The following NRXN3 variants were observed in gnomAD, a reference collection of about 807,000 sequenced individuals.
NRXN3 encodes neurexin III.
In NRXN3, 32 loss-of-function variants were observed where a neutral mutation model predicts 137.6. The observed-to-expected ratio is 0.23, with a 90% CI of 0.18 to 0.31. NRXN3 has a LOEUF of 0.31. Ranked by LOEUF, NRXN3 falls within the 10% of genes least tolerant of loss-of-function variation. The probability of loss-of-function intolerance (pLI) is 1.00; values close to 1 mark genes in which losing one functional copy is unlikely to be tolerated. For synonymous variants in NRXN3, 798 were observed against 784.5 expected, an observed-to-expected ratio of 1.02 and a Z score of -0.29; for missense variants, 1,574 against 2,062.5, an observed-to-expected ratio of 0.76 and a Z score of 4.59.
intron 8 of NRXN3, among the ~76,000 whole-genome samples, chr14:78,718,504 C>G (rs17108118): frequency 0.12 from 18,865 of 152,040 alleles, 1,265 homozygotes; most frequent in Middle Eastern, 0.22. Flanking sequence ...AAGTCATCAG[C>G]CAAGTATAAG....
intron 19 of NRXN3, among the ~76,000 whole-genome samples, chr14:79,767,448 T>C (rs1320399156): frequency 6.6e-6 from 1 of 152,212 alleles, no homozygotes; most frequent in African/African-American, 2.4e-5. Context: ...ATTTTTCACT[T>C]ATATGCTGTC....
chr14:79,118,121 C>G (rs962272503), intron 15 of NRXN3, among the ~76,000 whole-genome samples: 5 of 149,818 alleles, frequency 3.3e-5, no homozygotes, highest in Non-Finnish European at 7.4e-5. Flanking sequence ...AATCCCTTCC[C>G]AGTGGGGAAC....
chr14:79,527,537 G>T (rs2097131768), intron 16 of NRXN3, among the ~76,000 whole-genome samples: 1 of 151,784 alleles, frequency 6.6e-6, no homozygotes, highest in African/African-American at 2.4e-5. Context: ...TGTTAGAAAG[G>T]TAGTTTAAAA....
chr14:78,878,463 C>T (rs958154577), intron 10 of NRXN3, among the ~76,000 whole-genome samples: 1 of 152,128 alleles, frequency 6.6e-6, no homozygotes, highest in African/African-American at 2.4e-5. Flanking sequence ...TTCTCAGTAA[C>T]TGTTTTGTGT....
intron 15 of NRXN3, among the ~76,000 whole-genome samples, chr14:79,357,915 C>A (rs1201702388): frequency 3.3e-5 from 5 of 152,128 alleles, no homozygotes; most frequent in African/African-American, 1.2e-4. Flanking sequence ...CTGTTCCTTG[C>A]TCCTTCTTTT....
At chr14:78,731,993 G>A (rs933805048) in intron 8 of NRXN3, among the ~76,000 whole-genome samples, 2 of 23,542 alleles carry the variant, frequency 8.5e-5, no homozygotes, top group Non-Finnish European at 2.5e-4. Flanking sequence ...TCTGTTCCAA[G>A]CTGTGGAGGG....
intron 4 of NRXN3, among the ~76,000 whole-genome samples, chr14:78,481,016 A>T (rs1320681554): frequency 2.0e-5 from 3 of 152,180 alleles, no homozygotes; most frequent in Non-Finnish European, 4.4e-5. Flanking sequence ...AGGGGTGGTC[A>T]CTGTAAACCT....
intron 19 of NRXN3, among the ~76,000 whole-genome samples, chr14:79,794,593 C>A (rs904580016): frequency 6.6e-6 from 1 of 152,044 alleles, no homozygotes; most frequent in African/African-American, 2.4e-5. Context: ...TGTCAGTGTT[C>A]CTACTCAGCC....
intron 6 of NRXN3, among the ~76,000 whole-genome samples, chr14:78,690,121 T>G (rs908711156): frequency 6.6e-6 from 1 of 152,218 alleles, no homozygotes; most frequent in Non-Finnish European, 1.5e-5. Context: ...ATATTCATCA[T>G]TATTTTCTGG....
chr14:78,317,736 GGACTCA>G (rs1236991788), intron 4 of NRXN3, among the ~76,000 whole-genome samples: 1 of 152,070 alleles, frequency 6.6e-6, no homozygotes, highest in Non-Finnish European at 1.5e-5. Context: ...CAGAGTACTG[GGACTCA>G]GTTAAGTTGA....
At chr14:78,677,632 T>TA (rs2098023188) in intron 6 of NRXN3, among the ~76,000 whole-genome samples, 1 of 152,108 alleles carries the variant, frequency 6.6e-6, no homozygotes, top group Admixed American at 6.6e-5. Context: ...ACTTAATTGG[T>TA]AAAGGAATGA....
At chr14:79,545,294 C>T (rs143884422) in intron 16 of NRXN3, among the ~76,000 whole-genome samples, 189 of 152,284 alleles carry the variant, frequency 1.2e-3, no homozygotes, top group African/African-American at 2.7e-3. Context: ...TGGGGCCTCT[C>T]GGGAACAATC....
intron 15 of NRXN3, among the ~76,000 whole-genome samples, chr14:79,450,649 A>AGC (rs2096153257): frequency 2.0e-5 from 3 of 152,138 alleles, no homozygotes; most frequent in Admixed American, 2.0e-4. Flanking sequence ...TCTTGAGGTC[A>AGC]GGAGTTTGAG....
intron 15 of NRXN3, among the ~76,000 whole-genome samples, chr14:79,118,155 G>GAA (rs761184450): frequency 6.8e-5 from 8 of 117,874 alleles, no homozygotes; most frequent in African/African-American, 1.5e-4. Flanking sequence ...ATACATGAGG[G>GAA]AAAAAAAAAA....
At chr14:78,934,891 C>T (rs755137763) in intron 10 of NRXN3, among the ~76,000 whole-genome samples, 1 of 151,782 alleles carries the variant, frequency 6.6e-6, no homozygotes, top group African/African-American at 2.4e-5. Flanking sequence ...AGCACACCAA[C>T]ATGGCACATG....
intron 10 of NRXN3, among the ~76,000 whole-genome samples, chr14:78,868,260 A>G (rs1263330805): frequency 6.6e-6 from 1 of 152,042 alleles, no homozygotes; most frequent in African/African-American, 2.4e-5. Flanking sequence ...TCTGACACTC[A>G]GTAGTAACTT....
At chr14:78,366,315 T>C (rs1414322220) in intron 4 of NRXN3, among the ~76,000 whole-genome samples, 1 of 152,214 alleles carries the variant, frequency 6.6e-6, no homozygotes, top group East Asian at 1.9e-4. Context: ...GAGAGAGCTT[T>C]CTGTCTCTGT....
At chr14:79,840,120 G>C (rs896329002) in intron 20 of NRXN3, among the ~76,000 whole-genome samples, 2 of 152,088 alleles carry the variant, frequency 1.3e-5, no homozygotes, top group Non-Finnish European at 2.9e-5. Flanking sequence ...ATCACAGCTG[G>C]AACTTTAGTC....
At chr14:79,501,380 A>T (rs1052774764) in intron 16 of NRXN3, among the ~76,000 whole-genome samples, 1 of 152,074 alleles carries the variant, frequency 6.6e-6, no homozygotes, top group Non-Finnish European at 1.5e-5. Context: ...TTAAGCGTAC[A>T]TCTTCCCCTT....
Sources: allele counts gnomAD v4.1 joint callset (sites outside exome capture counted in the v4.1 genomes callset), GRCh38; gene constraint gnomAD v4.1.1; transcripts MANE v1.5; gene names NCBI Gene and HGNC (gene_info 2026-07-23, HGNC 2026-07-21).